The following TPST1 variants were observed in gnomAD, a reference collection of about 807,000 sequenced individuals.
TPST1 encodes the protein tyrosylprotein sulfotransferase 1, also known as protein-tyrosine sulfotransferase 1.
TPST1 carries 20 observed loss-of-function variants against 34.8 expected under a neutral mutation model. The observed-to-expected ratio is 0.57, with a 90% CI of 0.40 to 0.84. The LOEUF (loss-of-function observed/expected upper bound fraction) is 0.84. TPST1 is among the 40% of genes least tolerant of loss of function. TPST1 has a pLI of 0.00. For synonymous variants in TPST1, 152 were observed against 159.4 expected, an observed-to-expected ratio of 0.95 and a Z score of 0.35; for missense variants, 353 against 455.5, an observed-to-expected ratio of 0.78 and a Z score of 2.05.
chr7:66,272,940 A>C (rs1490380028), intron 2 of TPST1, among the ~76,000 whole-genome samples: 2 of 152,192 alleles, frequency 1.3e-5, no homozygotes, highest in Non-Finnish European at 2.9e-5. Context: ...CAGAGCAATT[A>C]AGCAAGAGAC....
intron 3 of TPST1, among the ~76,000 whole-genome samples, chr7:66,321,257 C>G (rs1370681646): frequency 6.6e-6 from 1 of 152,220 alleles, no homozygotes; most frequent in Non-Finnish European, 1.5e-5. Context: ...TGTGTGACAA[C>G]ACACACAAAA....
At chr7:66,239,670 C>T (rs1789985138) in intron 1 of TPST1, among the ~76,000 whole-genome samples, 2 of 152,126 alleles carry the variant, frequency 1.3e-5, no homozygotes, top group South Asian at 4.1e-4. Context: ...GGTTGGACTC[C>T]AGACATTCTT....
chr7:66,203,216 C>A (rs1459329962), upstream of TPST1, among the ~76,000 whole-genome samples: 2 of 151,896 alleles, frequency 1.3e-5, no homozygotes, highest in South Asian at 2.1e-4. Context: ...AACACACACA[C>A]ACACACACAT....
intron 2 of TPST1, among the ~76,000 whole-genome samples, chr7:66,286,005 G>C (rs1791026606): frequency 6.6e-6 from 1 of 152,090 alleles, no homozygotes; most frequent in South Asian, 2.1e-4. Context: ...CCAACATTTT[G>C]TTACGAAAAG....
intron 3 of TPST1, among the ~76,000 whole-genome samples, chr7:66,346,221 T>C (rs1792349741): frequency 6.6e-6 from 1 of 152,020 alleles, no homozygotes; most frequent in Non-Finnish European, 1.5e-5. Flanking sequence ...CTTTATCCAT[T>C]TATCTGTTGA....
Position 66,303,025 on chromosome 7 carries a change from A to G in TPST1, c.1044+16316A>G, listed in dbSNP as rs185544093. 1.4e-3 allele frequency among the ~76,000 whole-genome samples: 210 copies of G among 152,114 alleles called. 1 individual carries two copies. The highest frequency in any genetic ancestry group is 3.4e-3 in the Middle Eastern group (1 of 294). The stretch of plus-strand genomic sequence containing the variant: ...TTCTGCCTTGATTGTCCTTCTTCTC[A>G]TCTTACAACTTTGTCCTTTAAAACT... On this transcript the variant is annotated intron_variant, in intron 3 of 5. Transcript: ENST00000304842.
At chr7:66,261,137 A>G (rs1790478549) in intron 2 of TPST1, among the ~76,000 whole-genome samples, 1 of 151,206 alleles carries the variant, frequency 6.6e-6, no homozygotes, top group Admixed American at 6.6e-5. Flanking sequence ...TGGGGCAATT[A>G]TGGGGATCAC....
At chr7:66,232,524 C>G (rs1349310947) in intron 1 of TPST1, among the ~76,000 whole-genome samples, 1 of 152,148 alleles carries the variant, frequency 6.6e-6, no homozygotes, top group Non-Finnish European at 1.5e-5. Flanking sequence ...AGGCGCCCAC[C>G]ACCATGCCCG....
At chr7:66,226,375 G>A (rs777262552) in intron 1 of TPST1, among the ~76,000 whole-genome samples, 13 of 152,142 alleles carry the variant, frequency 8.5e-5, no homozygotes, top group Admixed American at 6.5e-4. Context: ...GAGAAGTCAC[G>A]AGGAGAATGT....
chr7:66,305,381 C>G (rs902932094), intron 3 of TPST1, among the ~76,000 whole-genome samples: 1 of 152,052 alleles, frequency 6.6e-6, no homozygotes, highest in Non-Finnish European at 1.5e-5. Context: ...TGGCCTAAAC[C>G]TTCATTCTGG....
rs1319878540 is a variant in TPST1 at position 66,232,201 on chromosome 7, AT to A, written c.-101-8103del. 1.7e-3 allele frequency among the ~76,000 whole-genome samples: 190 copies of A among 113,904 alleles called. 1 individual carries two copies. Among genetic ancestry groups the A allele is most frequent in the African/African-American group, 5.2e-3 (151 of 28,844 alleles). The allele number at this position is 113,904 out of a possible 152,430, so 74.7% of individuals were successfully genotyped here. A position where few individuals can be genotyped will look rare whatever the true frequency, so the allele number is the denominator to read the frequency against. ...TTTATTTTGTTTCTTATTAAAAAAA[AT>A]TTTTTTTTTTTTTTTTTTTTGAGAC... is the stretch of plus-strand genomic sequence containing the variant. On this transcript the variant is annotated intron_variant, in intron 1 of 5. Coordinates refer to ENST00000304842, the MANE Select transcript of TPST1 (RefSeq NM_003596.4).
chr7:66,334,536 T>C (rs777455622), intron 3 of TPST1, among the ~76,000 whole-genome samples: 1 of 147,934 alleles, frequency 6.8e-6, no homozygotes, highest in South Asian at 2.1e-4. Flanking sequence ...CTCAGGAGGC[T>C]GAGACAGGAG....
intron 3 of TPST1, among the ~76,000 whole-genome samples, chr7:66,330,233 C>G (rs1163454848): frequency 1.3e-5 from 2 of 152,322 alleles, no homozygotes; most frequent in East Asian, 3.9e-4. Context: ...TACCGATCAT[C>G]TGGTGGGCCT....
intron 1 of TPST1, among the ~76,000 whole-genome samples, chr7:66,208,751 G>A (rs1789184528): frequency 6.6e-6 from 1 of 152,138 alleles, no homozygotes; most frequent in Non-Finnish European, 1.5e-5. Context: ...TTACAGGCGT[G>A]AGCCACTGTG....
intron 2 of TPST1, among the ~76,000 whole-genome samples, chr7:66,249,350 A>C (rs191738481): frequency 6.6e-6 from 1 of 152,152 alleles, no homozygotes; most frequent in Non-Finnish European, 1.5e-5. Context: ...AAGCACATCA[A>C]GGGAATTATG....
At chr7:66,351,430 C>T (rs1444812647) in intron 3 of TPST1, among the ~76,000 whole-genome samples, 2 of 152,086 alleles carry the variant, frequency 1.3e-5, no homozygotes, top group Admixed American at 6.6e-5. Flanking sequence ...TCTGTTTCAT[C>T]GATATATTTA....
At chr7:66,252,290 C>T (rs1445706138) in intron 2 of TPST1, among the ~76,000 whole-genome samples, 1 of 151,182 alleles carries the variant, frequency 6.6e-6, no homozygotes, top group Non-Finnish European at 1.5e-5. Flanking sequence ...GATCTCCTGA[C>T]CTCGTGATCT....
At chr7:66,340,053 C>T (rs530904464) in intron 3 of TPST1, among the ~76,000 whole-genome samples, 19 of 151,936 alleles carry the variant, frequency 1.3e-4, no homozygotes, top group Admixed American at 2.0e-4. Context: ...GAACATACTT[C>T]GGTGAGGTGT....
intron 2 of TPST1, among the ~76,000 whole-genome samples, chr7:66,282,946 T>C (rs1416369387): frequency 6.6e-6 from 1 of 152,202 alleles, no homozygotes; most frequent in East Asian, 1.9e-4. Context: ...TTCAATACAT[T>C]CTTAGCTCTC....
Sources: gnomAD v4.1 joint callset for allele counts (sites outside exome capture counted in the v4.1 genomes callset) on GRCh38, gnomAD v4.1.1 for gene constraint, MANE v1.5 for transcripts, NCBI Gene and HGNC (gene_info 2026-07-23, HGNC 2026-07-21) for gene names.